Variants in PROSER2 observed in about 807,000 individuals in gnomAD.
PROSER2 encodes the protein proline and serine-rich protein 2.
PROSER2 carries 18 observed loss-of-function variants against 14.6 expected under a neutral mutation model. The observed-to-expected ratio is 1.23, with a 90% CI of 0.85 to 1.83. The LOEUF (loss-of-function observed/expected upper bound fraction) is 1.83. Ranked by LOEUF, PROSER2 falls within the 40% of genes most tolerant of loss-of-function variation. The probability of loss-of-function intolerance (pLI) is 0.00; values close to 1 mark genes in which losing one functional copy is unlikely to be tolerated. For missense variants in PROSER2, 823 were observed against 629.8 expected (o/e 1.31, Z -3.28); for synonymous variants, 367 against 286.4 (o/e 1.28, Z -2.84).
intron 2 of PROSER2, among the ~76,000 whole-genome samples, chr10:11,857,794 C>T (rs1024141180): frequency 2.0e-5 from 3 of 147,918 alleles, no homozygotes; most frequent in Non-Finnish European, 4.5e-5. Flanking sequence ...TGTCCCGAAA[C>T]TGTGCCGCGC....
Position 11,831,999 on chromosome 10 carries a change from T to A in PROSER2, c.-82+8529T>A, listed in dbSNP as rs1037095815. 8.5e-5 allele frequency among the ~76,000 whole-genome samples: 13 copies of A among 152,222 alleles called. No individual in the cohort carries two copies. In the South Asian group the frequency reaches 1.2e-3, roughly 15 times the overall value. ...ATTGTTCAGAAAGTGCTTTTTATTT[T>A]AAAAAAATAAATTTAAAATTAAAAA... On this transcript the variant is annotated intron_variant, in intron 1 of 3. Coordinates refer to ENST00000277570, the MANE Select transcript of PROSER2 (RefSeq NM_153256.4).
At chr10:11,853,284 A>G (rs755812730) in intron 2 of PROSER2, among the ~76,000 whole-genome samples, 27 of 152,168 alleles carry the variant, frequency 1.8e-4, no homozygotes, top group Non-Finnish European at 1.0e-4. Flanking sequence ...TTATGGTAAT[A>G]TGTGATAAAT....
chr10:11,845,963 CTTCATTCATTCA>C (rs1017152504), intron 1 of PROSER2, among the ~76,000 whole-genome samples: 1 of 152,182 alleles, frequency 6.6e-6, no homozygotes. Flanking sequence ...TTAAACATTA[CTTCATTCATTCA>C]TTCATTCATG....
intron 2 of PROSER2, among the ~76,000 whole-genome samples, chr10:11,854,390 C>T (rs754854127): frequency 2.6e-5 from 4 of 152,220 alleles, no homozygotes; most frequent in African/African-American, 9.6e-5. Flanking sequence ...TTACTGCAGC[C>T]GTGACCTCCT....
intron 1 of PROSER2, among the ~76,000 whole-genome samples, chr10:11,826,082 T>A (rs1833608282): frequency 6.6e-6 from 1 of 152,150 alleles, no homozygotes; most frequent in Non-Finnish European, 1.5e-5. Context: ...TCTGTCTCGG[T>A]AGACTTGCCC....
rs1178280326 is a variant in PROSER2 at position 11,869,878 on chromosome 10, C to T, written c.780C>T (p.Thr260=). 3 of 1,593,622 alleles carry T rather than the reference C, an allele frequency of 1.9e-6. No individual in the cohort carries two copies. The highest frequency in any genetic ancestry group is 8.5e-7 in the Non-Finnish European group (1 of 1,172,384). The part of the protein sequence containing the change: ...APRFPSNIIV[T]NGAAREPRRT... The stretch of plus-strand genomic sequence containing the variant: ...GCTTCCCCAGCAACATCATCGTCAC[C>T]AACGGCGCGGCCCGGGAGCCCCGCA... The change falls in exon 4 of 4, where the codon ACC becomes ACT. Residue 260 remains threonine (T), a synonymous_variant. Coordinates refer to ENST00000277570, the MANE Select transcript of PROSER2 (RefSeq NM_153256.4). This position sits in a 1 kb window ranked among gnomAD's most constrained non-coding sequence, Gnocchi z 4.4.
chr10:11,834,289 G>A (rs1005385254), intron 1 of PROSER2, among the ~76,000 whole-genome samples: 1 of 151,332 alleles, frequency 6.6e-6, no homozygotes, highest in African/African-American at 2.4e-5. Context: ...CACCGCGCCT[G>A]GCCATGAGTA....
At chr10:11,855,378 C>G (rs11257363) in intron 2 of PROSER2, among the ~76,000 whole-genome samples, 63,183 of 149,882 alleles carry the variant, frequency 0.42, 14,096 homozygotes, top group East Asian at 0.74. Flanking sequence ...GGAGGCTGAG[C>G]CAGGAGAATG....
chr10:11,844,083 C>T (rs1384305955), intron 1 of PROSER2, among the ~76,000 whole-genome samples: 2 of 152,154 alleles, frequency 1.3e-5, no homozygotes, highest in African/African-American at 4.8e-5. Flanking sequence ...CCTCCAACTC[C>T]TGGCCTCAAG....
intron 2 of PROSER2, among the ~76,000 whole-genome samples, chr10:11,858,762 G>A (rs929363698): frequency 1.3e-5 from 2 of 152,114 alleles, no homozygotes; most frequent in Non-Finnish European, 2.9e-5. Context: ...TATAATCCCA[G>A]CACTTTGGGA....
rs536171871 is a variant in PROSER2, at chr10:11,869,375, C to G, written c.392-115C>G. 11 of 721,774 alleles carry G rather than the reference C, an allele frequency of 1.5e-5. No individual in the cohort carries two copies. The African/African-American group carries it at 1.9e-4, about 13-fold the overall frequency. 44.7% of individuals were successfully genotyped at this position (721,774 alleles called of 1,614,324 possible). On this transcript the variant is annotated intron_variant, in intron 3 of 3. Coordinates refer to ENST00000277570, the MANE Select transcript of PROSER2 (RefSeq NM_153256.4). This position sits in a 1 kb window ranked among gnomAD's most constrained non-coding sequence, Gnocchi z 4.4. ...AGAGGAGTTGACTCACAGGCAGCAC[C>G]GGCGAAGTTGGTGTCAGGTCCAGGT...
intron 1 of PROSER2, among the ~76,000 whole-genome samples, chr10:11,843,021 A>G (rs1833869461): frequency 7.1e-6 from 1 of 139,988 alleles, no homozygotes; most frequent in Non-Finnish European, 1.5e-5. Flanking sequence ...GCTCACTGCA[A>G]GTTCCGCCTC....
chr10:11,852,068 C>G lies in PROSER2; in HGVS notation c.-10C>G, dbSNP rs1371132272. 5.6e-6 allele frequency: 9 copies of G among 1,604,524 alleles called. No individual in the cohort carries two copies. Among genetic ancestry groups the G allele is most frequent in the Middle Eastern group, 1.7e-4 (1 of 5,916 alleles). ...CCTGTGATCGAGCCGGCCCTGAGGA[C>G]TCTGTGGAGATGCCTGTAACCCACC... On this transcript the variant is annotated 5_prime_UTR_variant, in exon 2 of 4. Coordinates refer to ENST00000277570, the MANE Select transcript of PROSER2 (RefSeq NM_153256.4).
chr10:11,853,500 A>G (rs1018229467), intron 2 of PROSER2, among the ~76,000 whole-genome samples: 1 of 152,150 alleles, frequency 6.6e-6, no homozygotes, highest in Non-Finnish European at 1.5e-5. Context: ...AGGCAGGAGA[A>G]TCACTTGAAC....
intron 1 of PROSER2, among the ~76,000 whole-genome samples, chr10:11,844,386 C>T (rs72768232): frequency 0.1 from 15,267 of 152,224 alleles, 1,008 homozygotes; most frequent in Non-Finnish European, 0.15. Context: ...AAAAACTCTA[C>T]ATTTAACTCT....
In PROSER2 at chr10:11,869,468, A is replaced by AG. The variant is rs1438141487; in HGVS notation, c.392-20dup. ...ACTTTCACGTGGGCCGGTGGCTCAC[A>AG]GGCTCCTCCCTTGTCTTCCAGGGCC... On this transcript the variant is annotated intron_variant, in intron 3 of 3. Coordinates refer to ENST00000277570, the MANE Select transcript of PROSER2 (RefSeq NM_153256.4). This position sits in a 1 kb window ranked among gnomAD's most constrained non-coding sequence, Gnocchi z 4.4. 5 of 1,588,768 alleles carry AG rather than the reference A, an allele frequency of 3.1e-6. No homozygotes were observed. Among genetic ancestry groups the AG allele is most frequent in the Non-Finnish European group, 3.5e-6 (4 of 1,157,416 alleles).
chr10:11,861,583 A>C (rs1207238296), intron 2 of PROSER2, among the ~76,000 whole-genome samples: 2 of 152,166 alleles, frequency 1.3e-5, no homozygotes, highest in African/African-American at 4.8e-5. Flanking sequence ...CTGCCTTAGA[A>C]GCCGACATAG....
At chr10:11,835,430 A>G (rs1223790703) in intron 1 of PROSER2, among the ~76,000 whole-genome samples, 2 of 152,230 alleles carry the variant, frequency 1.3e-5, no homozygotes, top group Admixed American at 6.5e-5. Flanking sequence ...AAAGTAGTCT[A>G]TAAATTACTT....
At chr10:11,826,175 A>G (rs1006968204) in intron 1 of PROSER2, among the ~76,000 whole-genome samples, 5 of 152,100 alleles carry the variant, frequency 3.3e-5, no homozygotes, top group African/African-American at 1.2e-4. Context: ...ATGTTTTTCA[A>G]GGTCCGTCCG....
Sources: gnomAD v4.1 joint callset for allele counts (sites outside exome capture counted in the v4.1 genomes callset) on GRCh38, gnomAD v4.1.1 for gene constraint, Gnocchi (gnomAD v3.1) non-coding constraint, MANE v1.5 for transcripts, NCBI Gene and HGNC (gene_info 2026-07-23, HGNC 2026-07-21) for gene names.